MTCH1: variants seen among roughly 807,000 people sequenced by gnomAD.
MTCH1 encodes mitochondrial carrier 1.
Under a neutral mutation model 49.3 loss-of-function variants are expected in MTCH1, and 23 were observed. That is an observed-to-expected ratio of 0.47 (90% CI 0.34 to 0.66). The LOEUF (loss-of-function observed/expected upper bound fraction) is 0.66. Among genes scored for constraint, MTCH1 ranks in the 30% least tolerant of loss-of-function variants. The pLI, the probability that MTCH1 is intolerant of heterozygous loss-of-function variation, is 0.01. For missense variants in MTCH1, 397 were observed against 532.1 expected, an observed-to-expected ratio of 0.75 and a Z score of 2.50; for synonymous variants, 229 against 215.2, an observed-to-expected ratio of 1.06 and a Z score of -0.56.
Position 36,986,194 on chromosome 6 carries a change from C to G in MTCH1, c.-21G>C, listed in dbSNP as rs1210910399. 2.0e-5 allele frequency: 28 copies of G among 1,417,168 alleles called. No individual in the cohort carries two copies. Among genetic ancestry groups the G allele is most frequent in the Non-Finnish European group, 2.4e-5 (26 of 1,094,426 alleles). 87.8% of individuals were successfully genotyped at this position (1,417,168 alleles called of 1,614,324 possible). ...CCCATGGCGCCCGGCGGCGAGGTCA[C>G]TCCCCGTCACGTGACGGGGCCACGC... On this transcript the variant is annotated 5_prime_UTR_variant, in exon 1 of 12. Transcript: ENST00000373627.
rs576551875 is a variant in MTCH1, at chr6:36,970,396, G to A, written c.1022+10C>T. The A allele has an allele frequency of 4.6e-5, 74 of 1,613,926 alleles. 1 individual carries two copies. In the South Asian group the frequency reaches 6.4e-4, roughly 14 times the overall value. ...TAGGTAGAGTGGCAAGTAGAGGGGC[G>A]CACACCTACCCGCAGTTGTTCACAG... On this transcript the variant is annotated intron_variant, in intron 10 of 11. Transcript: ENST00000373627.
rs1484412143 is a variant in MTCH1, at chr6:36,982,950, C to T, written c.322-1278G>A. 6.6e-6 allele frequency among the ~76,000 whole-genome samples: 1 copy of T among 152,222 alleles called. No individual in the cohort carries two copies. Among genetic ancestry groups the T allele is most frequent in the African/African-American group, 2.4e-5 (1 of 41,458 alleles). On this transcript the variant is annotated intron_variant, in intron 1 of 11. Transcript: ENST00000373627. This position sits in a 1 kb window ranked among gnomAD's most constrained non-coding sequence, Gnocchi z 4.1. ...GACATGTGGGAGAGGATTTGGCCTG[C>T]AGCTGTGGGAGGCAGTAGAAGTGGC...
chr6:36,978,922 A>G lies in MTCH1; in HGVS notation c.407-311T>C, dbSNP rs1763993292. Among the ~76,000 whole-genome samples, 3 of 136,810 alleles carry G rather than the reference A, an allele frequency of 2.2e-5. No homozygotes were observed. The Admixed American group carries it at 2.4e-4, about 11-fold the overall frequency. 89.8% of individuals were successfully genotyped at this position (136,810 alleles called of 152,430 possible). A position where few individuals can be genotyped will look rare whatever the true frequency, so the allele number is the denominator to read the frequency against. On this transcript the variant is annotated intron_variant, in intron 2 of 11. Coordinates refer to ENST00000373627, the MANE Select transcript of MTCH1 (RefSeq NM_001271641.2). Reference sequence around the variant, plus strand: ...TTGCTTTAAAAACTTTACTTGGCAAACTCAGCCATGATTTCTCAACTCAGC... The same window carrying G: ...TTGCTTTAAAAACTTTACTTGGCAAGCTCAGCCATGATTTCTCAACTCAGC...
At chr6:36,985,042 C>T (rs1173681440) in intron 1 of MTCH1, among the ~76,000 whole-genome samples, 4 of 151,572 alleles carry the variant, frequency 2.6e-5, no homozygotes, top group Admixed American at 6.6e-5. Flanking sequence ...CAAATCGCTG[C>T]CACTCCCCTC....
rs1764295252 is a variant in MTCH1 at position 36,985,987 on chromosome 6, G to C, written c.187C>G (p.Arg63Gly). Reference protein sequence around the residue: ...HPRPAAQPSARRMDGGSGGLG... With the variant: ...HPRPAAQPSAGRMDGGSGGLG... ...CCCCCTGACCCGCCATCCATCCTGC[G>C]GGCCGAGGGCTGAGCCGCAGGCCGA... is the stretch of plus-strand genomic sequence containing the variant. Residue 63 changes from arginine to glycine, a missense_variant, in exon 1 of 12, where the codon CGC becomes GGC. Transcript: ENST00000373627. The C allele has an allele frequency of 6.5e-7, 1 of 1,544,662 alleles. No homozygotes were observed. The highest frequency in any genetic ancestry group is 1.2e-5 in the South Asian group (1 of 83,846).
rs897953201 is a variant in MTCH1 at position 36,977,550 on chromosome 6, T to G, written c.649+84A>C. Reference sequence around the variant, plus strand: ...TTCCCAACAGGTCTACGGCTGTCTATGTACAGTCCACGAGGGGGCGCCCCT... The same window carrying G: ...TTCCCAACAGGTCTACGGCTGTCTAGGTACAGTCCACGAGGGGGCGCCCCT... On this transcript the variant is annotated intron_variant, in intron 5 of 11. Coordinates refer to ENST00000373627, the MANE Select transcript of MTCH1 (RefSeq NM_001271641.2). The surrounding 1 kb of genome is among the most constrained non-coding windows in gnomAD (Gnocchi z 5.4). The G allele has an allele frequency of 1.1e-6, 1 of 931,692 alleles. No homozygotes were observed. The highest frequency in any genetic ancestry group is 1.7e-6 in the Non-Finnish European group (1 of 592,898). 57.7% of individuals were successfully genotyped at this position (931,692 alleles called of 1,614,324 possible). A position where few individuals can be genotyped will look rare whatever the true frequency, so the allele number is the denominator to read the frequency against.
In MTCH1 at chr6:36,969,475, CCT is replaced by C. The variant is rs1403660430; in HGVS notation, c.1099-503_1099-502del. On this transcript the variant is annotated intron_variant, in intron 11 of 11. Transcript: ENST00000373627. ...TCTGCCCTCGGCCAAAGCCTGGACC[CCT>C]GACTGCTGGGCCCAAGAGCTCCAGC... 43 of 1,081,790 alleles carry C rather than the reference CCT, an allele frequency of 4.0e-5. No homozygotes were observed. The African/African-American group carries it at 6.2e-4, about 16-fold the overall frequency. 67.0% of individuals were successfully genotyped at this position (1,081,790 alleles called of 1,614,324 possible).
chr6:36,985,904 C>T lies in MTCH1; in HGVS notation c.270G>A (p.Ala90=). 1.3e-6 allele frequency: 2 copies of T among 1,557,968 alleles called. No individual in the cohort carries two copies. Among genetic ancestry groups the T allele is most frequent in the Non-Finnish European group, 1.7e-6 (2 of 1,150,942 alleles). The change falls in exon 1 of 12, where the codon GCG becomes GCA. Residue 90 remains alanine (A), a synonymous_variant. Transcript: ENST00000373627. ...GGGGATGGCTGAGCGCCGTCACGCCCGCGCCCAGTGCCACGAAAAGAGCCT... is the reference window on the plus strand; with the variant it reads ...GGGGATGGCTGAGCGCCGTCACGCCTGCGCCCAGTGCCACGAAAAGAGCCT... ...TTEALFVALG[A]GVTALSHPLL... is the part of the protein sequence containing the mutation.
rs1763905337 is a variant in MTCH1, at chr6:36,977,072, C to CA, written c.701+126dup. On this transcript the variant is annotated intron_variant, in intron 6 of 11. Coordinates refer to ENST00000373627, the MANE Select transcript of MTCH1 (RefSeq NM_001271641.2). This position sits in a 1 kb window ranked among gnomAD's most constrained non-coding sequence, Gnocchi z 5.4. ...AGCCACTGCCACATTCCTCAGAAGC[C>CA]AGGCAGCAGGCTGAACTCACACAGC... is the stretch of plus-strand genomic sequence containing the variant. The CA allele has an allele frequency of 4.2e-6, 4 of 952,970 alleles. No individual in the cohort carries two copies. In the Admixed American group the frequency reaches 7.7e-5, roughly 18 times the overall value. The allele number at this position is 952,970 out of a possible 1,614,324, so 59.0% of individuals were successfully genotyped here.
At chr6:36,970,364 G>A (rs767853300) in intron 10 of MTCH1, 42 bp downstream of exon 10, 1 of 1,610,606 alleles carries the variant, frequency 6.2e-7, no homozygotes, top group Non-Finnish European at 8.5e-7. Context: ...CCACCCCACA[G>A]CCTTGGTAGG....
chr6:36,985,726 C>CCA, intron 1 of MTCH1, 127 bp downstream of exon 1: 1 of 603,710 alleles, frequency 1.7e-6, no homozygotes. Flanking sequence ...CTCGGCCCCC[C>CCA]AAACCCGCCG....
chr6:36,985,026 T>C (rs114627780), intron 1 of MTCH1, among the ~76,000 whole-genome samples: 2,008 of 147,418 alleles, frequency 0.014, 49 homozygotes, highest in African/African-American at 0.046. Flanking sequence ...AGCTCCCCTC[T>C]CTAGACAAAT....
Position 36,972,640 on chromosome 6 carries a change from G to A in MTCH1, c.906+12C>T. On this transcript the variant is annotated intron_variant, in intron 8 of 11. Transcript: ENST00000373627. This position sits in a 1 kb window ranked among gnomAD's most constrained non-coding sequence, Gnocchi z 4.1. ...CACACGGAAAGAAGGACAAGTCCTT[G>A]TTCCAACCAACCTGGGAACCTGGAT... 1.3e-6 allele frequency: 2 copies of A among 1,548,936 alleles called. No homozygotes were observed. The highest frequency in any genetic ancestry group is 8.7e-7 in the Non-Finnish European group (1 of 1,144,712).
At chr6:36,969,753 G>A in intron 11 of MTCH1, 1 of 1,301,198 alleles carries the variant, frequency 7.7e-7, no homozygotes, top group African/African-American at 1.5e-5. Flanking sequence ...TGCCACCTGG[G>A]CCAGAGTTCT....
Position 36,977,747 on chromosome 6 carries a change from C to A in MTCH1, c.592-56G>T. ...ACCCTCGGCCTGTCTCTGGAACTGG[C>A]CCTCGAGGGGAGCTACAAGTGCTCA... On this transcript the variant is annotated intron_variant, in intron 4 of 11. Transcript: ENST00000373627. The surrounding 1 kb of genome is among the most constrained non-coding windows in gnomAD (Gnocchi z 5.4). The A allele has an allele frequency of 2.0e-6, 3 of 1,483,874 alleles. No individual in the cohort carries two copies. The highest frequency in any genetic ancestry group is 1.8e-6 in the Non-Finnish European group (2 of 1,082,500). 91.9% of individuals were successfully genotyped at this position (1,483,874 alleles called of 1,614,324 possible). A position where few individuals can be genotyped will look rare whatever the true frequency, so the allele number is the denominator to read the frequency against.
rs1764310261 is a variant in MTCH1 at position 36,986,155 on chromosome 6, C to A, written c.19G>T (p.Glu7Ter). 1.4e-6 allele frequency: 2 copies of A among 1,437,096 alleles called. No individual in the cohort carries two copies. The highest frequency in any genetic ancestry group is 3.0e-5 in the African/African-American group (2 of 66,436). The allele number at this position is 1,437,096 out of a possible 1,614,324, so 89.0% of individuals were successfully genotyped here. A position where few individuals can be genotyped will look rare whatever the true frequency, so the allele number is the denominator to read the frequency against. MGASDP[E>*]VAPWARGGAA... Reference sequence around the variant, plus strand: ...CCGCCGCGAGCCCAGGGCGCCACTTCCGGGTCCGAAGCTCCCATGGCGCCC... The same window carrying A: ...CCGCCGCGAGCCCAGGGCGCCACTTACGGGTCCGAAGCTCCCATGGCGCCC... Residue 7 changes from glutamate (E) to a stop codon, truncating the protein, a stop_gained, in exon 1 of 12, where the codon GAA (glutamate) becomes TAA (stop). Transcript: ENST00000373627. LOFTEE classifies it high-confidence loss of function.
rs1018211775 is a variant in MTCH1 at position 36,982,959 on chromosome 6, G to C, written c.322-1287C>G. ...GAGAGGATTTGGCCTGCAGCTGTGG[G>C]AGGCAGTAGAAGTGGCAAGTTAGAA... On this transcript the variant is annotated intron_variant, in intron 1 of 11. Coordinates refer to ENST00000373627, the MANE Select transcript of MTCH1 (RefSeq NM_001271641.2). This position sits in a 1 kb window ranked among gnomAD's most constrained non-coding sequence, Gnocchi z 4.1. Among the ~76,000 whole-genome samples, 1 of 152,236 alleles carries C rather than the reference G, an allele frequency of 6.6e-6. No individual in the cohort carries two copies. The highest frequency in any genetic ancestry group is 1.5e-5 in the Non-Finnish European group (1 of 68,034).
chr6:36,978,904 A>G (rs1410333383), intron 2 of MTCH1, among the ~76,000 whole-genome samples: 2 of 67,418 alleles, frequency 3.0e-5, no homozygotes, highest in African/African-American at 1.3e-4. Flanking sequence ...TTTTTGCTTT[A>G]AAAACTTTAC....
intron 6 of MTCH1, chr6:36,976,404 C>A (rs984540036): frequency 1.8e-5 from 7 of 391,184 alleles, no homozygotes; most frequent in African/African-American, 1.5e-4. Flanking sequence ...CCCTGGGTAG[C>A]CCCGGTCCCA....
Sources: allele counts gnomAD v4.1 joint callset (sites outside exome capture counted in the v4.1 genomes callset), GRCh38; gene constraint gnomAD v4.1.1; non-coding constraint Gnocchi (gnomAD v3.1); transcripts MANE v1.5; gene names NCBI Gene and HGNC (gene_info 2026-07-23, HGNC 2026-07-21).